The following PARP11 variants were observed in gnomAD, a reference collection of about 807,000 sequenced individuals.
PARP11 encodes the protein protein mono-ADP-ribosyltransferase PARP11.
In PARP11, 31 loss-of-function variants were observed where a neutral mutation model predicts 42.9. That is an observed-to-expected ratio of 0.72 (90% CI 0.54 to 0.98). PARP11 has a LOEUF of 0.98. PARP11 is among the 50% of genes least tolerant of loss of function. PARP11 has a pLI of 0.00. For synonymous variants in PARP11, 137 were observed against 127.3 expected (o/e 1.08, Z -0.51); for missense variants, 365 against 413.1 (o/e 0.88, Z 1.01).
intron 1 of PARP11, among the ~76,000 whole-genome samples, chr12:3,837,382 T>C (rs1947789302): frequency 6.6e-6 from 1 of 152,210 alleles, no homozygotes; most frequent in Admixed American, 6.5e-5. Flanking sequence ...CTCTCTATAG[T>C]ACAACTTGTT....
chr12:3,820,336 G>A (rs1443044236), intron 6 of PARP11, among the ~76,000 whole-genome samples: 1 of 152,166 alleles, frequency 6.6e-6, no homozygotes, highest in Non-Finnish European at 1.5e-5. Flanking sequence ...GACAGACAAA[G>A]TTATTTTAGT....
At position 3,829,114 on chromosome 12, in the gene PARP11, C is replaced by T. The variant is rs925375157; in HGVS notation, c.148-84G>A. On this transcript the variant is annotated intron_variant, in intron 2 of 7. Coordinates refer to ENST00000228820, the MANE Select transcript of PARP11 (RefSeq NM_020367.6). ...AGAGGTGGTACTGTGGTCATAGAGA[C>T]AGGGAATGGAGGGGCGAGGGAAACT... is the stretch of plus-strand genomic sequence containing the variant. 2.0e-6 allele frequency: 3 copies of T among 1,487,054 alleles called. No homozygotes were observed. The African/African-American group carries it at 4.2e-5, about 21-fold the overall frequency. 92.1% of individuals were successfully genotyped at this position (1,487,054 alleles called of 1,614,324 possible).
chr12:3,839,500 GCCTGTA>G, intron 1 of PARP11: 5 of 1,606,662 alleles, frequency 3.1e-6, no homozygotes. Context: ...AGTCAGAATG[GCCTGTA>G]TTCACTGTCT....
At chr12:3,860,591 T>C (rs1164075740) in intron 1 of PARP11, among the ~76,000 whole-genome samples, 3 of 152,192 alleles carry the variant, frequency 2.0e-5, no homozygotes, top group Non-Finnish European at 4.4e-5. Context: ...GTCACCCCTT[T>C]CTTCCTTCCT....
chr12:3,871,485 C>A (rs1948478139), intron 1 of PARP11, among the ~76,000 whole-genome samples: 1 of 152,172 alleles, frequency 6.6e-6, no homozygotes, highest in African/African-American at 2.4e-5. Context: ...GAGCAATAGG[C>A]TATTCCATAT....
intron 1 of PARP11, among the ~76,000 whole-genome samples, chr12:3,850,153 A>T (rs1367923978): frequency 6.6e-6 from 1 of 152,148 alleles, no homozygotes; most frequent in Non-Finnish European, 1.5e-5. Flanking sequence ...AAGATGGTAT[A>T]TGTAATAAAT....
Position 3,814,093 on chromosome 12 carries a change from C to G in PARP11, c.644G>C (p.Cys215Ser). Residue 215 changes from cysteine (C) to serine (S), a missense_variant, in exon 7 of 8, where the codon TGC becomes TCC. Cys to Ser is a moderately radical substitution (Grantham distance 112). Coordinates refer to ENST00000228820, the MANE Select transcript of PARP11 (RefSeq NM_020367.6). ...GTSSEFVEAICIHNFDWRING... is the reference protein window; with the variant it reads ...GTSSEFVEAISIHNFDWRING... ...TATTCTCCAATCAAAGTTATGAATG[C>G]AGATTGCTTCCACAAATTCACTGCT... 1 of 1,608,774 alleles carries G rather than the reference C, an allele frequency of 6.2e-7. No individual in the cohort carries two copies.
chr12:3,841,428 T>C, intron 1 of PARP11: 1 of 1,338,136 alleles, frequency 7.5e-7, no homozygotes, highest in Non-Finnish European at 1.1e-6. Context: ...TCAAAGAGGC[T>C]CCTGCCGCCC....
chr12:3,827,631 G>C (rs183927329), intron 3 of PARP11, among the ~76,000 whole-genome samples: 41 of 151,868 alleles, frequency 2.7e-4, no homozygotes, highest in East Asian at 1.7e-3. Flanking sequence ...CTTGTCACGA[G>C]CAAGGATCTA....
chr12:3,825,348 C>A (rs1947496615), intron 4 of PARP11, among the ~76,000 whole-genome samples: 1 of 152,162 alleles, frequency 6.6e-6, no homozygotes, highest in Non-Finnish European at 1.5e-5. Flanking sequence ...GAACAGAAAG[C>A]AATACTGTTG....
chr12:3,852,805 C>T (rs374295478), intron 1 of PARP11, among the ~76,000 whole-genome samples: 70 of 152,112 alleles, frequency 4.6e-4, no homozygotes, highest in South Asian at 4.6e-3. Context: ...CTCCTTGAGA[C>T]GAGCAACCCC....
intron 1 of PARP11, among the ~76,000 whole-genome samples, chr12:3,846,207 A>G (rs1014309257): frequency 3.9e-5 from 6 of 152,150 alleles, no homozygotes; most frequent in Admixed American, 1.3e-4. Flanking sequence ...ATCTGAATGT[A>G]TAAAATAAGA....
intron 1 of PARP11, chr12:3,832,108 C>A: frequency 1.0e-6 from 1 of 971,856 alleles, no homozygotes. Context: ...CTATAAAACA[C>A]CTTACCTAAG....
intron 1 of PARP11, among the ~76,000 whole-genome samples, chr12:3,865,221 T>C (rs1948370013): frequency 6.6e-6 from 1 of 152,188 alleles, no homozygotes; most frequent in African/African-American, 2.4e-5. Flanking sequence ...ACATCTTGCT[T>C]GACTTCAATT....
intron 1 of PARP11, among the ~76,000 whole-genome samples, chr12:3,866,164 T>C (rs1948385252): frequency 6.6e-6 from 1 of 152,176 alleles, no homozygotes; most frequent in Non-Finnish European, 1.5e-5. Context: ...TTCACATTAC[T>C]AAATCCTATG....
chr12:3,858,902 C>A (rs923541869), intron 1 of PARP11, among the ~76,000 whole-genome samples: 4 of 151,624 alleles, frequency 2.6e-5, no homozygotes, highest in East Asian at 1.9e-4. Flanking sequence ...CCAGCCTGGC[C>A]AACATGGTGA....
chr12:3,829,155 C>A (rs1402924499), intron 2 of PARP11, 125 bp from the exon 3 acceptor site: 2 of 936,232 alleles, frequency 2.1e-6, no homozygotes, highest in East Asian at 2.4e-5. Flanking sequence ...ATCACCTGTT[C>A]TAGTTCCCAA....
chr12:3,848,968 A>G (rs1189107575), intron 1 of PARP11, among the ~76,000 whole-genome samples: 1 of 152,056 alleles, frequency 6.6e-6, no homozygotes, highest in Non-Finnish European at 1.5e-5. Context: ...AAAGAAAAAA[A>G]AAAACACAAA....
chr12:3,842,333 G>A, intron 1 of PARP11: 2 of 1,610,746 alleles, frequency 1.2e-6, no homozygotes, highest in South Asian at 1.1e-5. Flanking sequence ...AAGTACAAAA[G>A]TGATTGGGGC....
Sources: gnomAD v4.1 joint callset for allele counts (sites outside exome capture counted in the v4.1 genomes callset) on GRCh38, gnomAD v4.1.1 for gene constraint, MANE v1.5 for transcripts, NCBI Gene and HGNC (gene_info 2026-07-23, HGNC 2026-07-21) for gene names.